The following CDH7 variants were observed in gnomAD, a reference collection of about 807,000 sequenced individuals.
The protein encoded by CDH7 is cadherin-7.
Under a neutral mutation model 71.8 loss-of-function variants are expected in CDH7, and 25 were observed. The observed-to-expected ratio is 0.35, with a 90% CI of 0.25 to 0.49. The LOEUF is 0.49. Ranked by LOEUF, CDH7 falls within the 20% of genes least tolerant of loss-of-function variation. CDH7 has a pLI of 0.99. For synonymous variants in CDH7, 381 were observed against 363.8 expected (o/e 1.05, Z -0.54); for missense variants, 862 against 974.6 (o/e 0.88, Z 1.54).
chr18:65,809,348 A>G (rs970182975), intron 2 of CDH7, among the ~76,000 whole-genome samples: 2 of 152,208 alleles, frequency 1.3e-5, no homozygotes, highest in Non-Finnish European at 2.9e-5. Context: ...GAATAGATCA[A>G]ATCAACCCAT....
At chr18:65,766,818 C>T (rs1003508107) in intron 2 of CDH7, among the ~76,000 whole-genome samples, 2 of 142,590 alleles carry the variant, frequency 1.4e-5, no homozygotes. Context: ...GATCGCACTG[C>T]ATTTCTTCAG....
intron 6 of CDH7, among the ~76,000 whole-genome samples, chr18:65,830,201 T>A (rs1263726679): frequency 6.6e-6 from 1 of 152,148 alleles, no homozygotes; most frequent in East Asian, 1.9e-4. Context: ...ACAGATGAGG[T>A]AATGTAAATG....
At chr18:65,857,356 AAT>A (rs1913401492) in intron 7 of CDH7, among the ~76,000 whole-genome samples, 1 of 131,884 alleles carries the variant, frequency 7.6e-6, no homozygotes, top group East Asian at 2.1e-4. Context: ...TAATAATAAT[AAT>A]AATAAAATAG....
intron 6 of CDH7, among the ~76,000 whole-genome samples, chr18:65,836,846 A>G (rs919636530): frequency 1.3e-5 from 2 of 152,112 alleles, no homozygotes; most frequent in African/African-American, 4.8e-5. Flanking sequence ...GTAAATCTCT[A>G]TTTTATTCAA....
chr18:65,809,643 A>G, intron 2 of CDH7, 61 bp from the exon 3 acceptor site: 16 of 1,343,904 alleles, frequency 1.2e-5, no homozygotes, highest in South Asian at 2.6e-5. Flanking sequence ...TTATTTTTAC[A>G]TATCTCCATA....
In CDH7 at chr18:65,883,500, G is replaced by A. The variant is rs1348036322; in HGVS notation, c.*2606G>A. On this transcript the variant is annotated 3_prime_UTR_variant, in exon 12 of 12. Coordinates refer to ENST00000397968, the MANE Select transcript of CDH7 (RefSeq NM_004361.5). ...TCTAGTTGGAAAATTCTCCAAATAT[G>A]ATTTAAATAAATATATATTATCAAG... 2.0e-5 allele frequency: 3 copies of A among 151,810 alleles called. No homozygotes were observed. The highest frequency in any genetic ancestry group is 7.3e-5 in the African/African-American group (3 of 41,372). 9.4% of individuals were successfully genotyped at this position (151,810 alleles called of 1,614,324 possible). A position where few individuals can be genotyped will look rare whatever the true frequency, so the allele number is the denominator to read the frequency against.
At chr18:65,854,151 C>T (rs1020265433) in intron 7 of CDH7, among the ~76,000 whole-genome samples, 4 of 151,124 alleles carry the variant, frequency 2.6e-5, no homozygotes, top group African/African-American at 9.7e-5. Flanking sequence ...ACAAAAAATA[C>T]AAAAATTAGC....
chr18:65,795,042 A>T (rs1910860128), intron 2 of CDH7, among the ~76,000 whole-genome samples: 1 of 152,092 alleles, frequency 6.6e-6, no homozygotes, highest in South Asian at 2.1e-4. Context: ...GGTTGCAAAT[A>T]TGAAGTAAAG....
rs1238580575 is a variant in CDH7, at chr18:65,809,901, G to A, written c.408G>A (p.Glu136=). 16 of 1,613,886 alleles carry A rather than the reference G, an allele frequency of 9.9e-6. No individual in the cohort carries two copies. The highest frequency in any genetic ancestry group is 1.4e-5 in the Non-Finnish European group (16 of 1,180,008). ...TCACCAACAAACCCGTGGAGCCCGA[G>A]TCGGAGTTTGTCATCAAAATTCAGG... ...DRLTNKPVEP[E]SEFVIKIQDI... is the part of the protein sequence containing the mutation. Residue 136 remains glutamate, a synonymous_variant, in exon 3 of 12, where the codon GAG becomes GAA. Transcript: ENST00000397968.
rs1914321230 is a variant in CDH7, at chr18:65,884,593, C to T, written c.*3699C>T. On this transcript the variant is annotated 3_prime_UTR_variant, in exon 12 of 12. Transcript: ENST00000397968. The stretch of plus-strand genomic sequence containing the variant: ...TAGGCAATTATTTTCATGTCAACGG[C>T]ATAGTTACACAATGTAGGAATGATA... 1 of 152,136 alleles carries T rather than the reference C, an allele frequency of 6.6e-6. No homozygotes were observed. Among genetic ancestry groups the T allele is most frequent in the Admixed American group, 6.5e-5 (1 of 15,272 alleles). 9.4% of individuals were successfully genotyped at this position (152,136 alleles called of 1,614,324 possible). A position where few individuals can be genotyped will look rare whatever the true frequency, so the allele number is the denominator to read the frequency against.
Position 65,887,394 on chromosome 18 carries a change from C to T in CDH7, c.*6500C>T, listed in dbSNP as rs1310865928. On this transcript the variant is annotated 3_prime_UTR_variant, in exon 12 of 12. Transcript: ENST00000397968. ...ACTCGTCATTTAGCATTAGGTATAT[C>T]TCCTAATTCTATCCCTCCCCCCTCC... The T allele has an allele frequency of 4.6e-5, 7 of 151,610 alleles. No homozygotes were observed. Among genetic ancestry groups the T allele is most frequent in the Non-Finnish European group, 8.8e-5 (6 of 67,882 alleles). 9.4% of individuals were successfully genotyped at this position (151,610 alleles called of 1,614,324 possible).
Position 65,857,960 on chromosome 18 carries a change from G to T in CDH7, c.1372+8G>T. ...TCCTTGCAATGGAGAGCCGTAAGTT[G>T]TGAGGCTTAAAACTAAATTAAGATG... On this transcript the variant is annotated splice_region_variant and intron_variant, in intron 8 of 11. Coordinates refer to ENST00000397968, the MANE Select transcript of CDH7 (RefSeq NM_004361.5). 1 of 1,612,314 alleles carries T rather than the reference G, an allele frequency of 6.2e-7. No individual in the cohort carries two copies. The highest frequency in any genetic ancestry group is 8.5e-7 in the Non-Finnish European group (1 of 1,178,964).
At chr18:65,861,421 A>AAAACAAAAAGTTTATTATGTTTT (rs200521361) in intron 10 of CDH7, among the ~76,000 whole-genome samples, 16 of 151,784 alleles carry the variant, frequency 1.1e-4, no homozygotes, top group African/African-American at 3.9e-4. Context: ...TTTTGTATCA[A>AAAACAAAAAGTTTATTATGTTTT]GTCATAAATG....
At position 65,860,079 on chromosome 18, in the gene CDH7, G is replaced by A. The variant is rs371308988; in HGVS notation, c.1612+254G>A. Among the ~76,000 whole-genome samples, 626 of 152,074 alleles carry A rather than the reference G, an allele frequency of 4.1e-3. 3 individuals carry two copies. Among genetic ancestry groups the A allele is most frequent in the Non-Finnish European group, 7.2e-3 (486 of 67,964 alleles). On this transcript the variant is annotated intron_variant, in intron 10 of 11. Coordinates refer to ENST00000397968, the MANE Select transcript of CDH7 (RefSeq NM_004361.5). ...TCTCATTCTTTTCTTATAAGCACTC[G>A]TTTTCTTATTTGTATACCAAGTTCA...
chr18:65,819,920 C>T (rs1050663932), intron 4 of CDH7, among the ~76,000 whole-genome samples: 4 of 150,144 alleles, frequency 2.7e-5, no homozygotes, highest in Non-Finnish European at 4.4e-5. Flanking sequence ...TATGCAGAAC[C>T]CGTGTTCCTT....
chr18:65,795,709 C>T (rs1457286090), intron 2 of CDH7, among the ~76,000 whole-genome samples: 2 of 152,118 alleles, frequency 1.3e-5, no homozygotes, highest in Non-Finnish European at 2.9e-5. Context: ...CTGAAGATTG[C>T]ATGTTCAGGT....
intron 2 of CDH7, among the ~76,000 whole-genome samples, chr18:65,780,926 T>G (rs865833023): frequency 0.04 from 6,015 of 151,062 alleles, 412 homozygotes; most frequent in African/African-American, 0.14. Context: ...CTGTTTTTTT[T>G]TTTTTTTTTT....
chr18:65,861,843 T>C (rs1187629824), intron 10 of CDH7, among the ~76,000 whole-genome samples: 1 of 150,746 alleles, frequency 6.6e-6, no homozygotes, highest in East Asian at 2.0e-4. Flanking sequence ...TCCTGATTTT[T>C]CTTCTTTTCC....
At position 65,880,651 on chromosome 18, in the gene CDH7, C is replaced by T. The variant is rs1363914254; in HGVS notation, c.2115C>T (p.Val705=). The T allele has an allele frequency of 1.9e-6, 3 of 1,613,808 alleles. No homozygotes were observed. Among genetic ancestry groups the T allele is most frequent in the Admixed American group, 1.7e-5 (1 of 59,964 alleles). Residue 705 remains valine (V), a synonymous_variant, in exon 12 of 12, where the codon GTC becomes GTT. Transcript: ENST00000397968. ...RPAFKSIPDN[V]IFREFIWERL... ...CTTTTAAAAGCATCCCAGATAATGTCATCTTTAGGGAATTTATTTGGGAAA... is the reference window on the plus strand; with the variant it reads ...CTTTTAAAAGCATCCCAGATAATGTTATCTTTAGGGAATTTATTTGGGAAA...
Sources: allele counts gnomAD v4.1 joint callset (sites outside exome capture counted in the v4.1 genomes callset), GRCh38; gene constraint gnomAD v4.1.1; transcripts MANE v1.5; gene names NCBI Gene and HGNC (gene_info 2026-07-23, HGNC 2026-07-21).